Variants in PLCXD2 observed in about 807,000 individuals in gnomAD.
PLCXD2 encodes the protein phosphatidylinositol specific phospholipase C X domain containing 2, also known as PI-PLC X domain-containing protein 2.
Under a neutral mutation model 28.6 loss-of-function variants are expected in PLCXD2, and 21 were observed. The ratio of observed to expected loss-of-function variants is 0.73; its 90% CI spans 0.52 to 1.06. The LOEUF (loss-of-function observed/expected upper bound fraction) is 1.06. Ranked by LOEUF, PLCXD2 falls within the 50% of genes least tolerant of loss-of-function variation. The pLI, the probability that PLCXD2 is intolerant of heterozygous loss-of-function variation, is 0.00. For synonymous variants in PLCXD2, 140 were observed against 150.1 expected (o/e 0.93, Z 0.49); for missense variants, 369 against 376.7 (o/e 0.98, Z 0.17).
At chr3:111,695,757 T>TA (rs1940951951) in intron 1 of PLCXD2, among the ~76,000 whole-genome samples, 1 of 152,220 alleles carries the variant, frequency 6.6e-6, no homozygotes, top group Non-Finnish European at 1.5e-5. Flanking sequence ...ACCAAGTAGA[T>TA]ATGCTAGGCA....
intron 1 of PLCXD2, among the ~76,000 whole-genome samples, chr3:111,683,837 C>A (rs1282630769): frequency 6.6e-6 from 1 of 152,032 alleles, no homozygotes; most frequent in Non-Finnish European, 1.5e-5. Context: ...ATAAACTAAA[C>A]CCTGAAAAAT....
chr3:111,709,366 A>G (rs1455012599), intron 2 of PLCXD2, among the ~76,000 whole-genome samples: 2 of 152,170 alleles, frequency 1.3e-5, no homozygotes, highest in Non-Finnish European at 2.9e-5. Flanking sequence ...GATAGATCAT[A>G]GATAATAGAG....
rs531765923 is a variant in PLCXD2, at chr3:111,718,491, TGATA to T, written c.866+4403_866+4406del. Among the ~76,000 whole-genome samples, 723 of 137,220 alleles carry T rather than the reference TGATA, an allele frequency of 5.3e-3. 3 individuals carry two copies. Among genetic ancestry groups the T allele is most frequent in the African/African-American group, 0.014 (499 of 36,582 alleles). 90.0% of individuals were successfully genotyped at this position (137,220 alleles called of 152,430 possible). A position where few individuals can be genotyped will look rare whatever the true frequency, so the allele number is the denominator to read the frequency against. Reference sequence around the variant, plus strand: ...AAAAAAAAATAAGATGATGGATAGATGATAGATAGATAGATAGATAGATAGATAG... The same window carrying T: ...AAAAAAAAATAAGATGATGGATAGATGATAGATAGATAGATAGATAGATAG... On this transcript the variant is annotated intron_variant, in intron 3 of 4. Transcript: ENST00000477665.
intron 1 of PLCXD2, among the ~76,000 whole-genome samples, chr3:111,693,350 T>A (rs1298670065): frequency 6.6e-6 from 1 of 152,198 alleles, no homozygotes; most frequent in East Asian, 1.9e-4. Context: ...AGGAGCAGAG[T>A]CGGAACCTCT....
chr3:111,712,428 A>C lies in PLCXD2; in HGVS notation c.625-1459A>C, dbSNP rs563042748. On this transcript the variant is annotated intron_variant, in intron 2 of 4. Transcript: ENST00000477665. ...CCCCAGGCTTACCACCTGGCCAATT[A>C]CACCTCTACAAGGAAATCCTCCCCT... 3.3e-5 allele frequency among the ~76,000 whole-genome samples: 5 copies of C among 152,064 alleles called. No individual in the cohort carries two copies. In the East Asian group the frequency reaches 9.7e-4, roughly 29 times the overall value.
chr3:111,708,890 A>C (rs1162790485), intron 2 of PLCXD2, among the ~76,000 whole-genome samples: 1 of 152,178 alleles, frequency 6.6e-6, no homozygotes, highest in Non-Finnish European at 1.5e-5. Flanking sequence ...GAGAGAGTTA[A>C]GGAAGGAAGA....
intron 2 of PLCXD2, among the ~76,000 whole-genome samples, chr3:111,710,529 G>A (rs1941186045): frequency 6.6e-6 from 1 of 152,172 alleles, no homozygotes; most frequent in African/African-American, 2.4e-5. Context: ...AGAAACCTGG[G>A]CAAATTTTAA....
chr3:111,684,518 A>G (rs753736812), intron 1 of PLCXD2, among the ~76,000 whole-genome samples: 4 of 151,472 alleles, frequency 2.6e-5, no homozygotes, highest in Non-Finnish European at 5.9e-5. Flanking sequence ...GCCAGGCATG[A>G]TGGCGGGCGT....
intron 3 of PLCXD2, among the ~76,000 whole-genome samples, chr3:111,716,401 T>G (rs901304318): frequency 6.6e-5 from 10 of 152,328 alleles, no homozygotes; most frequent in Non-Finnish European, 1.2e-4. Flanking sequence ...AGGTGGTTTC[T>G]CGGCAGGGAT....
chr3:111,693,449 G>T (rs1312016629), intron 1 of PLCXD2, among the ~76,000 whole-genome samples: 2 of 152,180 alleles, frequency 1.3e-5, no homozygotes, highest in Non-Finnish European at 2.9e-5. Context: ...CTTTGTGGTT[G>T]TACATTTTTA....
intron 1 of PLCXD2, among the ~76,000 whole-genome samples, chr3:111,686,608 A>G (rs1020425284): frequency 9.9e-5 from 15 of 152,170 alleles, no homozygotes; most frequent in African/African-American, 3.6e-4. Context: ...CATAATGACT[A>G]ATTTTGTATA....
chr3:111,707,164 T>C (rs547049610), intron 1 of PLCXD2, among the ~76,000 whole-genome samples: 2 of 152,310 alleles, frequency 1.3e-5, no homozygotes, highest in Non-Finnish European at 2.9e-5. Flanking sequence ...TTAATAGCAG[T>C]TTTGGCTCAT....
chr3:111,688,571 A>AT (rs1940829193), intron 1 of PLCXD2, among the ~76,000 whole-genome samples: 1 of 152,208 alleles, frequency 6.6e-6, no homozygotes, highest in Non-Finnish European at 1.5e-5. Context: ...TTCAGAGGTT[A>AT]AGCCCATGCC....
chr3:111,723,180 G>C (rs925085117), intron 3 of PLCXD2: 1 of 152,190 alleles, frequency 6.6e-6, no homozygotes, highest in Admixed American at 6.5e-5. Flanking sequence ...TTTACCCTTT[G>C]TTACTTGGCA....
chr3:111,683,611 C>T (rs924581451), intron 1 of PLCXD2, among the ~76,000 whole-genome samples: 3 of 152,192 alleles, frequency 2.0e-5, no homozygotes, highest in African/African-American at 7.2e-5. Flanking sequence ...ATACTGGGCT[C>T]TCTCCTAGGC....
In PLCXD2 at chr3:111,722,182, G is replaced by GATTGACTTATTTATTTATTT. The variant is rs148008020; in HGVS notation, c.866+8057_866+8058insGACTTATTTATTTATTTATT. 2.8e-3 allele frequency: 340 copies of GATTGACTTATTTATTTATTT among 122,088 alleles called. 1 individual carries two copies. The highest frequency in any genetic ancestry group is 7.7e-3 in the Middle Eastern group (2 of 260). 7.6% of individuals were successfully genotyped at this position (122,088 alleles called of 1,614,324 possible). On this transcript the variant is annotated intron_variant, in intron 3 of 4. Coordinates refer to ENST00000477665, the MANE Select transcript of PLCXD2 (RefSeq NM_001185106.1). ...TCTATAAGGAGCCCTCTTGTGTTTTGATTTATTTATTTATTTATTTATTTA... is the reference window on the plus strand; with the variant it reads ...TCTATAAGGAGCCCTCTTGTGTTTTGATTGACTTATTTATTTATTTATTTATTTATTTATTTATTTATTTA...
chr3:111,714,097 G>A lies in PLCXD2; in HGVS notation c.835G>A (p.Val279Ile), dbSNP rs1559798070. 1 of 1,614,140 alleles carries A rather than the reference G, an allele frequency of 6.2e-7. No individual in the cohort carries two copies. The highest frequency in any genetic ancestry group is 1.1e-5 in the South Asian group (1 of 91,082). The change falls in exon 3 of 5, where the codon GTT becomes ATT. Residue 279 changes from valine (V) to isoleucine (I), a missense_variant. By Grantham distance (29) the Val-to-Ile change is conservative. Coordinates refer to ENST00000477665, the MANE Select transcript of PLCXD2 (RefSeq NM_001185106.1). ...AGTGAAGACCATTGCCCGGGGCTTG[G>A]TTGGGGGCCTCAAGAACACGCTGGT... is the stretch of plus-strand genomic sequence containing the variant.
chr3:111,696,881 G>A (rs1940969057), intron 1 of PLCXD2, among the ~76,000 whole-genome samples: 1 of 152,074 alleles, frequency 6.6e-6, no homozygotes, highest in Admixed American at 6.5e-5. Flanking sequence ...AATTTTTAGA[G>A]AATAATTATT....
intron 1 of PLCXD2, among the ~76,000 whole-genome samples, chr3:111,681,039 C>T (rs1458490521): frequency 6.6e-6 from 1 of 152,130 alleles, no homozygotes; most frequent in Non-Finnish European, 1.5e-5. Flanking sequence ...GCAGTTTATA[C>T]CCTCAGGTAA....
Sources: gnomAD v4.1 joint callset for allele counts (sites outside exome capture counted in the v4.1 genomes callset) on GRCh38, gnomAD v4.1.1 for gene constraint, MANE v1.5 for transcripts, NCBI Gene and HGNC (gene_info 2026-07-23, HGNC 2026-07-21) for gene names.